Variants in GTF2H5 observed in about 807,000 individuals in gnomAD.
GTF2H5 encodes the protein general transcription factor IIH subunit 5, also known as TFB5 ortholog.
GTF2H5 carries 5 observed loss-of-function variants against 7.1 expected under a neutral mutation model. The observed-to-expected ratio is 0.71, with a 90% confidence interval of 0.37 to 1.49. The LOEUF is 1.49. Ranked by LOEUF, GTF2H5 falls within the 40% of genes most tolerant of loss-of-function variation. The pLI, the probability that GTF2H5 is intolerant of heterozygous loss-of-function variation, is 0.03. For synonymous variants in GTF2H5, 30 were observed against 31.7 expected (o/e 0.95, Z 0.18); for missense variants, 80 against 83.0 (o/e 0.96, Z 0.14).
In GTF2H5 at chr6:158,169,673, T is replaced by A. The variant is rs11758931; in HGVS notation, c.-34-797T>A. Among the ~76,000 whole-genome samples the A allele has an allele frequency of 9.7e-5, 4 of 41,098 alleles. 1 individual carries two copies. Among genetic ancestry groups the A allele is most frequent in the Non-Finnish European group, 1.6e-4 (4 of 25,056 alleles). The allele number at this position is 41,098 out of a possible 152,430, so 27.0% of individuals were successfully genotyped here. A position where few individuals can be genotyped will look rare whatever the true frequency, so the allele number is the denominator to read the frequency against. On this transcript the variant is annotated intron_variant, in intron 1 of 2. Transcript: ENST00000607778. ...ATATTACATATAATATATTGTATATTATATAATATATAATATATATTATAT... is the reference window on the plus strand; with the variant it reads ...ATATTACATATAATATATTGTATATAATATAATATATAATATATATTATAT...
chr6:158,176,896 C>T (rs1419903684), intron 2 of GTF2H5, among the ~76,000 whole-genome samples: 1 of 152,244 alleles, frequency 6.6e-6, no homozygotes, highest in Non-Finnish European at 1.5e-5. Context: ...TTATCTGCAG[C>T]AGGAGCATGT....
At chr6:158,180,740 G>T (rs1785998488) in intron 2 of GTF2H5, among the ~76,000 whole-genome samples, 1 of 151,346 alleles carries the variant, frequency 6.6e-6, no homozygotes, top group African/African-American at 2.4e-5. Context: ...TATTGTGTCT[G>T]TTTGATTTTT....
chr6:158,192,469 T>A lies in GTF2H5; in HGVS notation c.*312T>A, dbSNP rs1777043500. The A allele has an allele frequency of 5.8e-6, 2 of 341,954 alleles. No homozygotes were observed. Among genetic ancestry groups the A allele is most frequent in the South Asian group, 5.3e-5 (2 of 37,702 alleles). 21.2% of individuals were successfully genotyped at this position (341,954 alleles called of 1,614,324 possible). A position where few individuals can be genotyped will look rare whatever the true frequency, so the allele number is the denominator to read the frequency against. On this transcript the variant is annotated 3_prime_UTR_variant, in exon 3 of 3. Coordinates refer to ENST00000607778, the MANE Select transcript of GTF2H5 (RefSeq NM_207118.3). The stretch of plus-strand genomic sequence containing the variant: ...AGTGTAACATAGGTATTTATTTTGC[T>A]CATCCCTGTGATCTGTGCATTTTTG...
intron 2 of GTF2H5, among the ~76,000 whole-genome samples, chr6:158,172,926 G>A (rs905205424): frequency 1.7e-4 from 26 of 152,234 alleles, no homozygotes; most frequent in East Asian, 5.8e-4. Flanking sequence ...CTCAGTGCCC[G>A]GTTTGCTGTC....
chr6:158,170,374 G>T, intron 1 of GTF2H5, 96 bp from the exon 2 acceptor site: 1 of 712,144 alleles, frequency 1.4e-6, no homozygotes. Context: ...GTTAAATATT[G>T]ACATTTAATT....
chr6:158,186,212 G>A (rs866096383), intron 2 of GTF2H5, among the ~76,000 whole-genome samples: 2 of 152,322 alleles, frequency 1.3e-5, no homozygotes, highest in Middle Eastern at 3.4e-3. Context: ...CATTTTGAAA[G>A]CATTGGTGTG....
intron 2 of GTF2H5, among the ~76,000 whole-genome samples, chr6:158,190,026 CAG>C (rs1776999120): frequency 1.3e-5 from 2 of 152,118 alleles, no homozygotes; most frequent in African/African-American, 4.8e-5. Context: ...CTTCTTCACT[CAG>C]GGGCCAGTAG....
Position 158,195,188 on chromosome 6 carries a change from C to T in GTF2H5, c.*3031C>T, listed in dbSNP as rs1562478106. The T allele has an allele frequency of 6.7e-6, 1 of 149,804 alleles. No homozygotes were observed. Among genetic ancestry groups the T allele is most frequent in the Non-Finnish European group, 1.5e-5 (1 of 67,724 alleles). 9.3% of individuals were successfully genotyped at this position (149,804 alleles called of 1,614,324 possible). On this transcript the variant is annotated 3_prime_UTR_variant, in exon 3 of 3. Coordinates refer to ENST00000607778, the MANE Select transcript of GTF2H5 (RefSeq NM_207118.3). Reference sequence around the variant, plus strand: ...AGTCCTAAAGGTAGCATTAAAATGACTTAACTGGAGGCAGGAGGATCACTG... The same window carrying T: ...AGTCCTAAAGGTAGCATTAAAATGATTTAACTGGAGGCAGGAGGATCACTG...
At chr6:158,170,798 C>G (rs1785844942) in intron 2 of GTF2H5, among the ~76,000 whole-genome samples, 1 of 152,184 alleles carries the variant, frequency 6.6e-6, no homozygotes, top group African/African-American at 2.4e-5. Context: ...GCATTCTCCT[C>G]AAACATGATG....
At chr6:158,191,825 G>T in intron 2 of GTF2H5, 152 bp from the exon 3 acceptor site, 1 of 679,108 alleles carries the variant, frequency 1.5e-6, no homozygotes, top group Non-Finnish European at 2.6e-6. Flanking sequence ...TCTATAAATT[G>T]TTAACACTTG....
In GTF2H5 at chr6:158,192,293, CATTT is replaced by C; in HGVS notation, c.*137_*140del. ...ACGGGAAAGACTGAGGGATCATGAT[CATTT>C]GTTCAGAAAAAAAGCCCCTGAACTG... On this transcript the variant is annotated 3_prime_UTR_variant, in exon 3 of 3. Coordinates refer to ENST00000607778, the MANE Select transcript of GTF2H5 (RefSeq NM_207118.3). 1.5e-6 allele frequency: 1 copy of C among 665,286 alleles called. No homozygotes were observed. Among genetic ancestry groups the C allele is most frequent in the Non-Finnish European group, 2.7e-6 (1 of 375,478 alleles). The allele number at this position is 665,286 out of a possible 1,614,324, so 41.2% of individuals were successfully genotyped here. A position where few individuals can be genotyped will look rare whatever the true frequency, so the allele number is the denominator to read the frequency against.
At position 158,198,184 on chromosome 6, in the gene GTF2H5, G is replaced by A. The variant is rs181260003; in HGVS notation, c.*6027G>A. The stretch of plus-strand genomic sequence containing the variant: ...GCAGAAACTAACAGATGAAGGAGGA[G>A]AATCCCTAAAAACAGAGCATTGGGT... On this transcript the variant is annotated 3_prime_UTR_variant, in exon 3 of 3. Transcript: ENST00000607778. The A allele has an allele frequency of 1.4e-4, 21 of 152,220 alleles. No homozygotes were observed. Among genetic ancestry groups the A allele is most frequent in the African/African-American group, 5.1e-4 (21 of 41,544 alleles). The allele number at this position is 152,220 out of a possible 1,614,324, so 9.4% of individuals were successfully genotyped here. A position where few individuals can be genotyped will look rare whatever the true frequency, so the allele number is the denominator to read the frequency against.
In GTF2H5 at chr6:158,194,903, T is replaced by G. The variant is rs1777085125; in HGVS notation, c.*2746T>G. On this transcript the variant is annotated 3_prime_UTR_variant, in exon 3 of 3. Coordinates refer to ENST00000607778, the MANE Select transcript of GTF2H5 (RefSeq NM_207118.3). ...ATGAGCTCTTATTTTTAAAAAGTTG[T>G]GTTGGGGCAAATGTTAAATATCTTT... 6.6e-6 allele frequency: 1 copy of G among 152,148 alleles called. No individual in the cohort carries two copies. The highest frequency in any genetic ancestry group is 1.5e-5 in the Non-Finnish European group (1 of 68,012). 9.4% of individuals were successfully genotyped at this position (152,148 alleles called of 1,614,324 possible).
chr6:158,171,391 G>A (rs1010105971), intron 2 of GTF2H5, among the ~76,000 whole-genome samples: 4 of 152,208 alleles, frequency 2.6e-5, no homozygotes, highest in Non-Finnish European at 5.9e-5. Context: ...GACTAACCGT[G>A]TTTCAAGGAC....
intron 2 of GTF2H5, among the ~76,000 whole-genome samples, chr6:158,181,626 T>A (rs1318662509): frequency 6.6e-6 from 1 of 152,222 alleles, no homozygotes; most frequent in African/African-American, 2.4e-5. Flanking sequence ...CATTATGTAA[T>A]GGCCTTCTTT....
intron 2 of GTF2H5, among the ~76,000 whole-genome samples, chr6:158,174,870 A>G (rs963605226): frequency 6.6e-6 from 1 of 152,220 alleles, no homozygotes; most frequent in Non-Finnish European, 1.5e-5. Context: ...GTTTATGAGA[A>G]GCGAAGTAAG....
chr6:158,169,459 A>AT (rs1785738322), intron 1 of GTF2H5, among the ~76,000 whole-genome samples: 2 of 64,204 alleles, frequency 3.1e-5, no homozygotes, highest in Non-Finnish European at 5.1e-5. Flanking sequence ...TATATTATAT[A>AT]TATTATATTG....
At chr6:158,183,869 A>G (rs1786042134) in intron 2 of GTF2H5, among the ~76,000 whole-genome samples, 1 of 152,184 alleles carries the variant, frequency 6.6e-6, no homozygotes, top group Non-Finnish European at 1.5e-5. Flanking sequence ...GGGTGAGGCG[A>G]CACCCTGCCC....
At chr6:158,169,441 A>ATATAT (rs377624565) in intron 1 of GTF2H5, among the ~76,000 whole-genome samples, 12,471 of 64,034 alleles carry the variant, frequency 0.19, 2,164 homozygotes, top group African/African-American at 0.44. Flanking sequence ...TGTATATTAT[A>ATATAT]TATATTATAT....
Sources: allele counts gnomAD v4.1 joint callset (sites outside exome capture counted in the v4.1 genomes callset), GRCh38; gene constraint gnomAD v4.1.1; transcripts MANE v1.5; gene names NCBI Gene and HGNC (gene_info 2026-07-23, HGNC 2026-07-21).